The following ATP11A variants were observed in gnomAD, a reference collection of about 807,000 sequenced individuals.
ATP11A encodes the protein ATPase phospholipid transporting 11A, also known as phospholipid-transporting ATPase IH.
ATP11A carries 81 observed loss-of-function variants against 154.4 expected under a neutral mutation model. The observed-to-expected ratio is 0.52, with a 90% CI of 0.44 to 0.63. The LOEUF is 0.63. Ranked by LOEUF, ATP11A falls within the 30% of genes least tolerant of loss-of-function variation. The pLI is 0.00. For synonymous variants in ATP11A, 623 were observed against 585.9 expected, an observed-to-expected ratio of 1.06 and a Z score of -0.91; for missense variants, 1,316 against 1,474.3, an observed-to-expected ratio of 0.89 and a Z score of 1.76.
chr13:112,728,575 G>A lies in ATP11A; in HGVS notation c.39+38120G>A, dbSNP rs9604412. On this transcript the variant is annotated intron_variant, in intron 1 of 29. Transcript: ENST00000375645. ...CCTCCCTGTGTTACCTGTATGTACCGCGTTGTCACTATCCACTCGTGGGGG... is the reference window on the plus strand; with the variant it reads ...CCTCCCTGTGTTACCTGTATGTACCACGTTGTCACTATCCACTCGTGGGGG... Among the ~76,000 whole-genome samples the A allele has an allele frequency of 4.5e-3, 579 of 130,048 alleles. 3 individuals are homozygous for A. Among genetic ancestry groups the A allele is most frequent in the African/African-American group, 0.016 (549 of 33,838 alleles). The allele number at this position is 130,048 out of a possible 152,430, so 85.3% of individuals were successfully genotyped here.
chr13:112,719,539 CGG>C (rs1888909699), intron 1 of ATP11A, among the ~76,000 whole-genome samples: 1 of 152,140 alleles, frequency 6.6e-6, no homozygotes, highest in Non-Finnish European at 1.5e-5. Flanking sequence ...AATTCCTTAA[CGG>C]GGCAGCGTCC....
intron 4 of ATP11A, 141 bp downstream of exon 4, chr13:112,806,434 C>T (rs896267231): frequency 1.5e-5 from 10 of 652,222 alleles, no homozygotes; most frequent in Admixed American, 1.1e-4. Context: ...TTTATAACTG[C>T]GTTAGATTGA....
chr13:112,764,029 T>C (rs2077019156), intron 1 of ATP11A, among the ~76,000 whole-genome samples: 1 of 152,218 alleles, frequency 6.6e-6, no homozygotes, highest in African/African-American at 2.4e-5. Context: ...CAGATACTTT[T>C]TGATATAAAC....
intron 1 of ATP11A, among the ~76,000 whole-genome samples, chr13:112,693,254 G>A (rs7319243): frequency 0.056 from 8,458 of 152,216 alleles, 812 homozygotes; most frequent in African/African-American, 0.19. Flanking sequence ...AAATGGTGCC[G>A]TGTTTGTATA....
chr13:112,728,409 T>C (rs900719671), intron 1 of ATP11A, among the ~76,000 whole-genome samples: 4 of 150,842 alleles, frequency 2.7e-5, no homozygotes, highest in Admixed American at 1.3e-4. Flanking sequence ...CCCGGCTCCC[T>C]GTGTTACCTG....
At chr13:112,825,201 T>G (rs1425088762) in intron 10 of ATP11A, among the ~76,000 whole-genome samples, 3 of 152,220 alleles carry the variant, frequency 2.0e-5, no homozygotes, top group Non-Finnish European at 4.4e-5. Context: ...CTCCTGCTTG[T>G]GGCACTTTAC....
rs551993113 is a variant in ATP11A, at chr13:112,871,760, C to T, written c.3017C>T (p.Thr1006Met). The change falls in exon 26 of 30, where the codon ACG becomes ATG. Residue 1006 changes from threonine to methionine, a missense_variant. Around this residue, in one of 5 missense-constraint regions of ATP11A, gnomAD observed 294 missense variants for 290.2 expected, o/e 1.01. Coordinates refer to ENST00000375645, the MANE Select transcript of ATP11A (RefSeq NM_015205.3). ...GQIFGNWTFG[T>M]LVFTVMVFTV... is the part of the protein sequence containing the mutation. ...ATATTTGGAAACTGGACGTTTGGAACGCTGGTATTCACCGTGATGGTGTTC... is the reference window on the plus strand; with the variant it reads ...ATATTTGGAAACTGGACGTTTGGAATGCTGGTATTCACCGTGATGGTGTTC... The T allele has an allele frequency of 2.7e-5, 43 of 1,614,150 alleles. No homozygotes were observed. In the East Asian group the frequency reaches 4.2e-4, roughly 16 times the overall value.
intron 1 of ATP11A, among the ~76,000 whole-genome samples, chr13:112,773,682 T>C (rs2077279041): frequency 6.6e-6 from 1 of 152,106 alleles, no homozygotes; most frequent in Non-Finnish European, 1.5e-5. Flanking sequence ...TCCTCAACAC[T>C]GTTGATAGCA....
intron 1 of ATP11A, among the ~76,000 whole-genome samples, chr13:112,770,349 T>C (rs1044888687): frequency 2.0e-5 from 3 of 152,204 alleles, no homozygotes; most frequent in African/African-American, 7.2e-5. Flanking sequence ...AAAAATATCT[T>C]CATGGCAGGA....
intron 1 of ATP11A, among the ~76,000 whole-genome samples, chr13:112,740,216 G>A (rs1183214975): frequency 1.3e-5 from 2 of 151,210 alleles, no homozygotes; most frequent in African/African-American, 4.9e-5. Flanking sequence ...GTCTCGCTCT[G>A]TTGCCCAGGC....
chr13:112,881,805 T>C (rs1202023703), intron 29 of ATP11A, 71 bp from the exon 30 acceptor site: 1 of 1,366,418 alleles, frequency 7.3e-7, no homozygotes, highest in East Asian at 4.6e-5. Flanking sequence ...TGTGTCTCGT[T>C]CTCTCAGCAG....
intron 4 of ATP11A, among the ~76,000 whole-genome samples, chr13:112,810,260 G>C (rs907245407): frequency 6.6e-6 from 1 of 152,232 alleles, no homozygotes; most frequent in African/African-American, 2.4e-5. Context: ...AGCCTGGAAG[G>C]CTTGCTCATC....
intron 17 of ATP11A, among the ~76,000 whole-genome samples, chr13:112,846,033 T>A (rs1179180009): frequency 6.6e-6 from 1 of 152,218 alleles, no homozygotes; most frequent in Non-Finnish European, 1.5e-5. Flanking sequence ...GCTGAGCCGA[T>A]GTGTCCTTTT....
rs539353582 is a variant in ATP11A at position 112,842,818 on chromosome 13, G to T, written c.1809+439G>T. ...TGTTTGGGTTTCTTTCCCCATCTGG[G>T]TCTTAAGCTTGTATGATAAGGTTTC... On this transcript the variant is annotated intron_variant, in intron 17 of 29. Coordinates refer to ENST00000375645, the MANE Select transcript of ATP11A (RefSeq NM_015205.3). Among the ~76,000 whole-genome samples, 6 of 152,370 alleles carry T rather than the reference G, an allele frequency of 3.9e-5. No individual in the cohort carries two copies. In the East Asian group the frequency reaches 1.2e-3, roughly 29 times the overall value.
intron 20 of ATP11A, 62 bp downstream of exon 20, chr13:112,856,147 G>C (rs952871470): frequency 2.0e-6 from 3 of 1,510,652 alleles, no homozygotes; most frequent in South Asian, 1.2e-5. Context: ...AAAACCTTCC[G>C]TTAGGTCTCA....
intron 4 of ATP11A, among the ~76,000 whole-genome samples, chr13:112,808,333 T>G (rs873346): frequency 0.7 from 105,663 of 151,790 alleles, 37,660 homozygotes; most frequent in African/African-American, 0.85. Flanking sequence ...AGAGCTGCAG[T>G]TCTGGGCCCC....
rs1044650761 is a variant in ATP11A at position 112,850,901 on chromosome 13, C to G, written c.1810-136C>G. 5.5e-6 allele frequency: 4 copies of G among 733,768 alleles called. No homozygotes were observed. In the African/African-American group the frequency reaches 7.0e-5, roughly 13 times the overall value. 45.5% of individuals were successfully genotyped at this position (733,768 alleles called of 1,614,324 possible). Reference sequence around the variant, plus strand: ...TCTTTCTTTCTTTGTTTACTTAGTACTGTAAGTTTTGAAAGGGTTACAATT... The same window carrying G: ...TCTTTCTTTCTTTGTTTACTTAGTAGTGTAAGTTTTGAAAGGGTTACAATT... On this transcript the variant is annotated intron_variant, in intron 17 of 29. Transcript: ENST00000375645.
chr13:112,713,154 T>G (rs1455633124), intron 1 of ATP11A, among the ~76,000 whole-genome samples: 1 of 152,160 alleles, frequency 6.6e-6, no homozygotes, highest in Admixed American at 6.5e-5. Context: ...CCCAGCACTT[T>G]GGGAGGCTGA....
intron 1 of ATP11A, among the ~76,000 whole-genome samples, chr13:112,694,589 T>A (rs557165825): frequency 6.6e-6 from 1 of 152,326 alleles, no homozygotes; most frequent in East Asian, 1.9e-4. Context: ...CTTCCATGCC[T>A]CTATGTAGGG....
Sources: allele counts gnomAD v4.1 joint callset (sites outside exome capture counted in the v4.1 genomes callset), GRCh38; gene constraint gnomAD v4.1.1; regional missense constraint gnomAD v4.1.1; transcripts MANE v1.5; gene names NCBI Gene and HGNC (gene_info 2026-07-23, HGNC 2026-07-21).